GRK5: variants seen among roughly 807,000 people sequenced by gnomAD.
GRK5 encodes the protein g protein-coupled receptor kinase GRK5.
Under a neutral mutation model 78.4 loss-of-function variants are expected in GRK5, and 40 were observed. The ratio of observed to expected loss-of-function variants is 0.51; its 90% confidence interval spans 0.40 to 0.66. The LOEUF is 0.66. Ranked by LOEUF, GRK5 falls within the 30% of genes least tolerant of loss-of-function variation. GRK5 has a pLI of 0.00. For synonymous variants in GRK5, 289 were observed against 296.8 expected (o/e 0.97, Z 0.27); for missense variants, 598 against 759.9 (o/e 0.79, Z 2.50).
intron 1 of GRK5, among the ~76,000 whole-genome samples, chr10:119,256,325 G>A (rs539057884): frequency 1.2e-3 from 187 of 152,298 alleles, no homozygotes; most frequent in African/African-American, 4.3e-3. Flanking sequence ...GGGAGGGGGC[G>A]TGAAACCAGC....
chr10:119,211,713 T>C (rs1848488491), intron 1 of GRK5: 1 of 152,220 alleles, frequency 6.6e-6, no homozygotes, highest in Non-Finnish European at 1.5e-5. Flanking sequence ...AACCGTTTTT[T>C]CAGGTAACTC....
chr10:119,371,691 G>A (rs1851550277), intron 2 of GRK5, among the ~76,000 whole-genome samples: 1 of 152,244 alleles, frequency 6.6e-6, no homozygotes, highest in African/African-American at 2.4e-5. Flanking sequence ...ACTCCTGCCT[G>A]CTTTGGTGCT....
At chr10:119,301,461 C>T (rs867334017) in intron 1 of GRK5, among the ~76,000 whole-genome samples, 1 of 152,228 alleles carries the variant, frequency 6.6e-6, no homozygotes, top group African/African-American at 2.4e-5. Flanking sequence ...TGGGTGTTCA[C>T]AGCAGCCCCA....
At chr10:119,359,623 G>A (rs1184055336) in intron 2 of GRK5, among the ~76,000 whole-genome samples, 5 of 152,198 alleles carry the variant, frequency 3.3e-5, no homozygotes, top group South Asian at 2.1e-4. Context: ...CTGTGGGAGG[G>A]TAATTTTTGT....
At chr10:119,386,407 A>G (rs1407664652) in intron 3 of GRK5, among the ~76,000 whole-genome samples, 1 of 152,094 alleles carries the variant, frequency 6.6e-6, no homozygotes, top group African/African-American at 2.4e-5. Flanking sequence ...AGTCGGTGGA[A>G]TTTTCCAGCC....
intron 1 of GRK5, among the ~76,000 whole-genome samples, chr10:119,218,230 C>T (rs1287593355): frequency 1.3e-5 from 2 of 152,094 alleles, no homozygotes; most frequent in Admixed American, 1.3e-4. Flanking sequence ...CCTGGTGTCG[C>T]TCCCTGATGA....
At chr10:119,450,880 C>T (rs893546288) in intron 13 of GRK5, among the ~76,000 whole-genome samples, 15 of 152,054 alleles carry the variant, frequency 9.9e-5, no homozygotes, top group Non-Finnish European at 1.9e-4. Flanking sequence ...CCCTGGAGTG[C>T]GAAGCCGCTG....
At chr10:119,447,879 C>T (rs187944437) in intron 12 of GRK5, among the ~76,000 whole-genome samples, 4 of 152,354 alleles carry the variant, frequency 2.6e-5, no homozygotes, top group East Asian at 1.9e-4. Context: ...AACCCAGGAA[C>T]GAGGTCTGTA....
intron 1 of GRK5, among the ~76,000 whole-genome samples, chr10:119,210,347 T>C (rs1280943764): frequency 6.6e-6 from 1 of 152,346 alleles, no homozygotes; most frequent in East Asian, 1.9e-4. Flanking sequence ...TTCTCTCTTA[T>C]GCCTAGAGGA....
intron 1 of GRK5, among the ~76,000 whole-genome samples, chr10:119,308,642 A>G (rs541746580): frequency 1.4e-4 from 21 of 152,216 alleles, no homozygotes; most frequent in African/African-American, 3.4e-4. Flanking sequence ...CGTAGCTTCA[A>G]TGGCTTCTCC....
At chr10:119,360,716 A>T (rs1474365097) in intron 2 of GRK5, among the ~76,000 whole-genome samples, 1 of 152,178 alleles carries the variant, frequency 6.6e-6, no homozygotes, top group Non-Finnish European at 1.5e-5. Flanking sequence ...AGGCTAAGTT[A>T]GGAGAAGATG....
At chr10:119,277,198 G>C (rs368491501) in intron 1 of GRK5, among the ~76,000 whole-genome samples, 1 of 152,092 alleles carries the variant, frequency 6.6e-6, no homozygotes, top group East Asian at 1.9e-4. Flanking sequence ...TGTGTGTCGG[G>C]TGCCGACACC....
chr10:119,422,394 C>G (rs552094624), intron 4 of GRK5, among the ~76,000 whole-genome samples: 1 of 152,340 alleles, frequency 6.6e-6, no homozygotes, highest in African/African-American at 2.4e-5. Context: ...AGATCTGGGC[C>G]AAATGCCTTA....
intron 3 of GRK5, among the ~76,000 whole-genome samples, chr10:119,382,506 A>C (rs1589776003): frequency 6.6e-6 from 1 of 152,288 alleles, no homozygotes; most frequent in Non-Finnish European, 1.5e-5. Flanking sequence ...CACCTTTATG[A>C]ACCCACAATT....
chr10:119,439,794 G>T (rs1471755756), intron 10 of GRK5, 26 bp downstream of exon 10: 1 of 1,611,526 alleles, frequency 6.2e-7, no homozygotes. Context: ...CTCGGTAGCT[G>T]AGGTGAGCAT....
intron 1 of GRK5, among the ~76,000 whole-genome samples, chr10:119,223,484 T>A (rs1363004246): frequency 1.3e-5 from 2 of 152,072 alleles, no homozygotes; most frequent in African/African-American, 2.4e-5. Flanking sequence ...GCGTGGGAAC[T>A]GCTGCTCTAT....
chr10:119,272,085 G>A (rs528039458), intron 1 of GRK5, among the ~76,000 whole-genome samples: 1 of 152,292 alleles, frequency 6.6e-6, no homozygotes, highest in Non-Finnish European at 1.5e-5. Flanking sequence ...TAGTGGTGAT[G>A]CCCCGTTCAG....
intron 1 of GRK5, among the ~76,000 whole-genome samples, chr10:119,250,899 G>A (rs552541354): frequency 7.2e-5 from 11 of 152,240 alleles, no homozygotes; most frequent in Non-Finnish European, 4.4e-5. Context: ...ACCCGTTGTT[G>A]GGTGATATGT....
intron 1 of GRK5, among the ~76,000 whole-genome samples, chr10:119,216,945 T>TA (rs542611940): frequency 0.011 from 1,725 of 151,030 alleles, 16 homozygotes; most frequent in Non-Finnish European, 0.019. Flanking sequence ...AATAATAATT[T>TA]AAAAAAAAAC....
Sources: gnomAD v4.1 joint callset for allele counts (sites outside exome capture counted in the v4.1 genomes callset) on GRCh38, gnomAD v4.1.1 for gene constraint, MANE v1.5 for transcripts, NCBI Gene and HGNC (gene_info 2026-07-23, HGNC 2026-07-21) for gene names.